DDX39B: variants seen among roughly 807,000 people sequenced by gnomAD.
DDX39B encodes the protein spliceosome RNA helicase DDX39B.
In DDX39B, 6 loss-of-function variants were observed where a neutral mutation model predicts 46.4. That is an observed-to-expected ratio of 0.13 (90% confidence interval 0.07 to 0.26). The LOEUF (loss-of-function observed/expected upper bound fraction) is 0.26, where lower values mean the gene tolerates loss of function less well. Among genes scored for constraint, DDX39B ranks in the 10% least tolerant of loss-of-function variants. The pLI, the probability that DDX39B is intolerant of heterozygous loss-of-function variation, is 1.00. For missense variants in DDX39B, 185 were observed against 553.4 expected (o/e 0.33, Z 6.68); for synonymous variants, 174 against 199.4 (o/e 0.87, Z 1.07).
At chr6:31,540,841 A>T (rs1258130479) in intron 1 of DDX39B, 177 bp from the exon 2 acceptor site, 4 of 477,076 alleles carry the variant, frequency 8.4e-6, no homozygotes, top group South Asian at 4.8e-5. Flanking sequence ...AGTACCAGGG[A>T]AAGTGGTTAG....
intron 4 of DDX39B, among the ~76,000 whole-genome samples, chr6:31,538,489 TGTTTTAAA>T (rs1768032110): frequency 6.6e-6 from 1 of 152,200 alleles, no homozygotes; most frequent in African/African-American, 2.4e-5. Flanking sequence ...CCACTGGAGC[TGTTTTAAA>T]GTTTCCGGCT....
intron 6 of DDX39B, 103 bp from the exon 7 acceptor site, chr6:31,533,014 T>G: frequency 5.3e-5 from 29 of 547,608 alleles, no homozygotes; most frequent in East Asian, 1.6e-4. Flanking sequence ...CATGGGGGGA[T>G]GGGGAGGAAA....
In DDX39B at chr6:31,531,427, G is replaced by T. The variant is rs1317241638; in HGVS notation, c.868-22C>A. On this transcript the variant is annotated intron_variant, in intron 7 of 10. Coordinates refer to ENST00000396172, the MANE Select transcript of DDX39B (RefSeq NM_004640.7). This position sits in a 1 kb window ranked among gnomAD's most constrained non-coding sequence, Gnocchi z 5.8. ...CCACCTGTTGTGGGGTGGGGTGGGG[G>T]GTCGCAAATTGGGGGAATAGGGGTC... The T allele has an allele frequency of 8.1e-6, 13 of 1,612,686 alleles. No individual in the cohort carries two copies. The highest frequency in any genetic ancestry group is 1.7e-5 in the Admixed American group (1 of 59,984).
At chr6:31,540,252 C>A in intron 2 of DDX39B, 70 bp downstream of exon 2, 1 of 1,525,474 alleles carries the variant, frequency 6.6e-7, no homozygotes, top group Admixed American at 1.7e-5. Context: ...ACCTGAGCAA[C>A]GACAAACACA....
chr6:31,531,668 T>TGA lies in DDX39B; in HGVS notation c.868-265_868-264dup. On this transcript the variant is annotated intron_variant, in intron 7 of 10. Transcript: ENST00000396172. The surrounding 1 kb of genome is among the most constrained non-coding windows in gnomAD (Gnocchi z 5.8). ...TGCCAGACATGCTAGGAGATGAGGA[T>TGA]GAGATCACCTCATGAAAAAGTGATA... 2.0e-6 allele frequency: 1 copy of TGA among 498,830 alleles called. No homozygotes were observed. Among genetic ancestry groups the TGA allele is most frequent in the South Asian group, 3.1e-5 (1 of 32,284 alleles). The allele number at this position is 498,830 out of a possible 1,614,324, so 30.9% of individuals were successfully genotyped here.
In DDX39B at chr6:31,534,569, AC is replaced by A; in HGVS notation, c.735+797del. On this transcript the variant is annotated intron_variant, in intron 6 of 10. Coordinates refer to ENST00000396172, the MANE Select transcript of DDX39B (RefSeq NM_004640.7). The surrounding 1 kb of genome is among the most constrained non-coding windows in gnomAD (Gnocchi z 5.1). Reference sequence around the variant, plus strand: ...AAAAATCTACCACCCCATTCAGGACACCCCTCCCCAACACATATTGGGGGAA... The same window carrying A: ...AAAAATCTACCACCCCATTCAGGACACCCTCCCCAACACATATTGGGGGAA... 4.3e-6 allele frequency: 2 copies of A among 462,268 alleles called. No individual in the cohort carries two copies. Among genetic ancestry groups the A allele is most frequent in the Non-Finnish European group, 8.9e-6 (2 of 224,544 alleles). 28.6% of individuals were successfully genotyped at this position (462,268 alleles called of 1,614,324 possible).
intron 1 of DDX39B, chr6:31,541,399 G>C (rs888541667): frequency 4.3e-5 from 16 of 371,428 alleles, no homozygotes; most frequent in Non-Finnish European, 8.8e-5. Context: ...TCTTTACCAA[G>C]TGGTCTCACA....
At position 31,530,514 on chromosome 6, in the gene DDX39B, A is replaced by G; in HGVS notation, c.1271-64T>C. 1 of 1,606,482 alleles carries G rather than the reference A, an allele frequency of 6.2e-7. No individual in the cohort carries two copies. The highest frequency in any genetic ancestry group is 8.5e-7 in the Non-Finnish European group (1 of 1,174,550). On this transcript the variant is annotated intron_variant, in intron 10 of 10. Coordinates refer to ENST00000396172, the MANE Select transcript of DDX39B (RefSeq NM_004640.7). The surrounding 1 kb of genome is among the most constrained non-coding windows in gnomAD (Gnocchi z 4.5). ...AAAGGGGAAAGTGAGGCAGGAACAC[A>G]CGGCACACATGCAGACACTGGTGTA...
chr6:31,539,444 C>T (rs1252166039), intron 2 of DDX39B, among the ~76,000 whole-genome samples, 170 bp from the exon 3 acceptor site: 1 of 152,200 alleles, frequency 6.6e-6, no homozygotes, highest in East Asian at 1.9e-4. Context: ...ATTACATTCA[C>T]CTCAAAATCA....
chr6:31,532,717 T>C, intron 7 of DDX39B, 63 bp downstream of exon 7: 1 of 1,582,734 alleles, frequency 6.3e-7, no homozygotes, highest in Non-Finnish European at 8.6e-7. Flanking sequence ...GTACTTAATA[T>C]CCAGGTTTCT....
intron 4 of DDX39B, 43 bp from the exon 5 acceptor site, chr6:31,536,726 AG>A: frequency 6.2e-7 from 1 of 1,602,936 alleles, no homozygotes; most frequent in East Asian, 2.2e-5. Context: ...GAGGAAGGAA[AG>A]AGTCCAATCC....
At chr6:31,536,764 T>G (rs1280835526) in intron 4 of DDX39B, 81 bp from the exon 5 acceptor site, 1 of 1,510,954 alleles carries the variant, frequency 6.6e-7, no homozygotes, top group Non-Finnish European at 8.8e-7. Context: ...CTGTTTGAGC[T>G]AAACCAATTT....
In DDX39B at chr6:31,540,675, GA is replaced by G. The variant is rs34788230; in HGVS notation, c.-132-12del. 390,637 of 630,242 alleles carry G rather than the reference GA, an allele frequency of 0.62. 118,819 individuals are homozygous for G. The highest frequency in any genetic ancestry group is 0.78 in the African/African-American group (42,083 of 54,200). 39.0% of individuals were successfully genotyped at this position (630,242 alleles called of 1,614,324 possible). ...TTTCTAACAGAAGAGCTGGAGGGGG[GA>G]AAAAAAAAAGCAAGACTTAATCACG... On this transcript the variant is annotated splice_polypyrimidine_tract_variant and intron_variant, in intron 1 of 10. Transcript: ENST00000396172.
In DDX39B at chr6:31,530,318, G is replaced by A; in HGVS notation, c.*116C>T. ...GTTCAGGAGTGGTGGTGATGCAAAAGATGGAAGCCATGGGGTGGGGGCTGT... is the reference window on the plus strand; with the variant it reads ...GTTCAGGAGTGGTGGTGATGCAAAAAATGGAAGCCATGGGGTGGGGGCTGT... On this transcript the variant is annotated 3_prime_UTR_variant, in exon 11 of 11. Coordinates refer to ENST00000396172, the MANE Select transcript of DDX39B (RefSeq NM_004640.7). This position sits in a 1 kb window ranked among gnomAD's most constrained non-coding sequence, Gnocchi z 4.5. 1 of 1,268,822 alleles carries A rather than the reference G, an allele frequency of 7.9e-7. No individual in the cohort carries two copies. The highest frequency in any genetic ancestry group is 1.1e-6 in the Non-Finnish European group (1 of 913,576). 78.6% of individuals were successfully genotyped at this position (1,268,822 alleles called of 1,614,324 possible).
intron 1 of DDX39B, chr6:31,541,078 C>T (rs756908472): frequency 9.4e-6 from 5 of 531,072 alleles, no homozygotes; most frequent in Middle Eastern, 3.2e-4. Flanking sequence ...TATAATCCCA[C>T]CGTTATGGAT....
At position 31,540,578 on chromosome 6, in the gene DDX39B, C is replaced by T; in HGVS notation, c.-46G>A. ...AAGGGAAGGGGGATCTGGATGGGTTCTCGCAAAATAGGTGAAAACAAGGGG... is the reference window on the plus strand; with the variant it reads ...AAGGGAAGGGGGATCTGGATGGGTTTTCGCAAAATAGGTGAAAACAAGGGG... On this transcript the variant is annotated 5_prime_UTR_variant, in exon 2 of 11. Coordinates refer to ENST00000396172, the MANE Select transcript of DDX39B (RefSeq NM_004640.7). The T allele has an allele frequency of 6.3e-7, 1 of 1,594,326 alleles. No individual in the cohort carries two copies. Among genetic ancestry groups the T allele is most frequent in the Non-Finnish European group, 8.6e-7 (1 of 1,165,020 alleles).
chr6:31,541,922 A>G, intron 1 of DDX39B, 28 bp downstream of exon 1: 1 of 641,544 alleles, frequency 1.6e-6, no homozygotes, highest in East Asian at 2.7e-5. Context: ...GCAGATGGAA[A>G]CGGATTGTAG....
intron 3 of DDX39B, 43 bp downstream of exon 3, chr6:31,539,104 G>T: frequency 6.2e-7 from 1 of 1,613,310 alleles, no homozygotes; most frequent in South Asian, 1.1e-5. Flanking sequence ...TTCCCTTATA[G>T]TCCTAACCAA....
At position 31,540,564 on chromosome 6, in the gene DDX39B, G is replaced by T; in HGVS notation, c.-32C>A. ...GCCGGCAGGGGAAGAAGGGAAGGGG[G>T]ATCTGGATGGGTTCTCGCAAAATAG... is the stretch of plus-strand genomic sequence containing the variant. On this transcript the variant is annotated 5_prime_UTR_variant, in exon 2 of 11. Coordinates refer to ENST00000396172, the MANE Select transcript of DDX39B (RefSeq NM_004640.7). 2 of 1,610,092 alleles carry T rather than the reference G, an allele frequency of 1.2e-6. No homozygotes were observed. The highest frequency in any genetic ancestry group is 8.5e-7 in the Non-Finnish European group (1 of 1,177,488).
Sources: allele counts gnomAD v4.1 joint callset (sites outside exome capture counted in the v4.1 genomes callset), GRCh38; gene constraint gnomAD v4.1.1; non-coding constraint Gnocchi (gnomAD v3.1); transcripts MANE v1.5; gene names NCBI Gene and HGNC (gene_info 2026-07-23, HGNC 2026-07-21).